The following BRWD3 variants were observed in gnomAD, a reference collection of about 807,000 sequenced individuals.
The protein encoded by BRWD3 is bromodomain and WD repeat domain containing 3.
BRWD3 carries 10 observed loss-of-function variants against 149.7 expected under a neutral mutation model. The observed-to-expected ratio is 0.07, with a 90% CI of 0.04 to 0.11. The LOEUF is 0.11. Among genes scored for constraint, BRWD3 ranks in the 10% least tolerant of loss-of-function variants. The pLI, the probability that BRWD3 is intolerant of heterozygous loss-of-function variation, is 1.00. For missense variants in BRWD3, 940 were observed against 1,373.2 expected (o/e 0.68, Z 4.99); for synonymous variants, 504 against 456.7 (o/e 1.10, Z -1.32).
At chrX:80,731,866 G>C (rs1266029890) in intron 12 of BRWD3, among the ~76,000 whole-genome samples, 4 of 89,367 alleles carry the variant, frequency 4.5e-5, no homozygotes, top group South Asian at 6.5e-4. Context: ...CTGCACTCCA[G>C]CCTGGGTGAC....
chrX:80,713,128 C>G (rs1326292465), intron 20 of BRWD3, among the ~76,000 whole-genome samples: 2 of 109,163 alleles, frequency 1.8e-5, no homozygotes, highest in Non-Finnish European at 3.8e-5. Context: ...CACCTCTGCC[C>G]GGCCGCCCCT....
intron 7 of BRWD3, among the ~76,000 whole-genome samples, chrX:80,744,794 T>C (rs1297023433): frequency 9.0e-6 from 1 of 111,338 alleles, no homozygotes; most frequent in East Asian, 2.8e-4. Flanking sequence ...AATTATCTAT[T>C]TATTAAAACA....
At chrX:80,743,450 G>T (rs2073547371) in intron 8 of BRWD3, among the ~76,000 whole-genome samples, 1 of 111,653 alleles carries the variant, frequency 9.0e-6, no homozygotes, top group South Asian at 3.7e-4. Context: ...TCTATTGATT[G>T]GAATAGTTTC....
chrX:80,739,878 C>A (rs1026720816), intron 8 of BRWD3, among the ~76,000 whole-genome samples: 1 of 111,964 alleles, frequency 8.9e-6, no homozygotes, highest in Admixed American at 9.5e-5. Context: ...ACTGCATTCA[C>A]CTATTTTCAA....
At chrX:80,803,510 T>C (rs1478925590) in intron 4 of BRWD3, among the ~76,000 whole-genome samples, 1 of 111,974 alleles carries the variant, frequency 8.9e-6, no homozygotes, top group African/African-American at 3.2e-5. Context: ...AGGATCAATC[T>C]AGACAAATCG....
At chrX:80,728,941 A>T (rs2073287344) in intron 13 of BRWD3, 36 bp from the exon 14 acceptor site, 1 of 1,159,463 alleles carries the variant, frequency 8.6e-7, no homozygotes, top group Admixed American at 2.2e-5. Context: ...ATATCTTATA[A>T]ATTTTTGACA....
At chrX:80,681,239 A>C in intron 40 of BRWD3, 102 bp downstream of exon 40, 2 of 848,019 alleles carry the variant, frequency 2.4e-6, no homozygotes, top group South Asian at 4.4e-5. Flanking sequence ...AACTATAAGG[A>C]TATACTAGTT....
At chrX:80,733,657 A>C (rs897289643) in intron 11 of BRWD3, among the ~76,000 whole-genome samples, 161 bp from the exon 12 acceptor site, 4 of 109,595 alleles carry the variant, frequency 3.6e-5, no homozygotes, top group African/African-American at 1.3e-4. Context: ...AGGAATACCT[A>C]TTGGCAGTAA....
Position 80,684,517 on chromosome X carries a change from CAT to C in BRWD3, c.4081-357_4081-356del, listed in dbSNP as rs2072496023. On this transcript the variant is annotated intron_variant, in intron 36 of 40. Coordinates refer to ENST00000373275, the MANE Select transcript of BRWD3 (RefSeq NM_153252.5). ...TAATGATAAAAGATGGGATTATTCA[CAT>C]ATGATTAAATTGTTCCACTCTACAA... 2.7e-5 allele frequency among the ~76,000 whole-genome samples: 3 copies of C among 112,083 alleles called. No homozygotes were observed. The Admixed American group carries it at 2.8e-4, about 11-fold the overall frequency.
intron 8 of BRWD3, among the ~76,000 whole-genome samples, chrX:80,738,859 A>T (rs1268826134): frequency 3.6e-5 from 4 of 111,893 alleles, no homozygotes; most frequent in Non-Finnish European, 7.5e-5. Context: ...TGAAAAAGGC[A>T]AACAAACACG....
At position 80,681,364 on chromosome X, in the gene BRWD3, T is replaced by C; in HGVS notation, c.4631A>G (p.Asn1544Ser). Residue 1544 changes from asparagine to serine, a missense_variant, in exon 40 of 41, where the codon AAT becomes AGT. Physicochemically the swap from Asn to Ser is conservative, Grantham distance 46 (BLOSUM62 1). Coordinates refer to ENST00000373275, the MANE Select transcript of BRWD3 (RefSeq NM_153252.5). ...HDPGKAKSFR[N>S]RVLPVKQDHS... ...ACCTTGTTTAACTGGCAAAACTCTATTCCGAAATGATTTGGCTTTCCCTGG... is the reference window on the plus strand; with the variant it reads ...ACCTTGTTTAACTGGCAAAACTCTACTCCGAAATGATTTGGCTTTCCCTGG... 1 of 1,210,862 alleles carries C rather than the reference T, an allele frequency of 8.3e-7. No individual in the cohort carries two copies. The highest frequency in any genetic ancestry group is 1.1e-6 in the Non-Finnish European group (1 of 894,951).
At chrX:80,730,409 G>GA (rs1263862653) in intron 12 of BRWD3, among the ~76,000 whole-genome samples, 1 of 105,053 alleles carries the variant, frequency 9.5e-6, no homozygotes, top group African/African-American at 3.5e-5. Flanking sequence ...AAGAAAGAAA[G>GA]AAAGAAAGAA....
chrX:80,775,719 T>A (rs1462118526), intron 6 of BRWD3, among the ~76,000 whole-genome samples: 1 of 112,234 alleles, frequency 8.9e-6, no homozygotes, highest in African/African-American at 3.2e-5. Flanking sequence ...GTCCCAGTAT[T>A]GTTGCATATG....
chrX:80,777,297 A>G (rs2074009657), intron 6 of BRWD3, among the ~76,000 whole-genome samples: 1 of 111,825 alleles, frequency 8.9e-6, no homozygotes, highest in African/African-American at 3.3e-5. Context: ...GGACTTAACC[A>G]AAGCCAGGTA....
intron 20 of BRWD3, chrX:80,709,806 G>A (rs2072932732): frequency 2.1e-6 from 1 of 468,680 alleles, no homozygotes; most frequent in Non-Finnish European, 3.6e-6. Context: ...AGACAGTGCT[G>A]AAAAGTCTGG....
At chrX:80,772,399 A>G (rs748959587) in intron 6 of BRWD3, among the ~76,000 whole-genome samples, 4 of 111,206 alleles carry the variant, frequency 3.6e-5, no homozygotes, top group Non-Finnish European at 5.7e-5. Flanking sequence ...GTTCTCACTC[A>G]TAGGTGGGAA....
At chrX:80,687,038 T>C (rs1478725794) in intron 34 of BRWD3, 35 bp from the exon 35 acceptor site, 4 of 1,185,513 alleles carry the variant, frequency 3.4e-6, no homozygotes, top group Non-Finnish European at 4.6e-6. Context: ...CTAAAAGATC[T>C]TTCCTTAACT....
At chrX:80,767,682 T>C (rs573617448) in intron 6 of BRWD3, among the ~76,000 whole-genome samples, 12 of 111,260 alleles carry the variant, frequency 1.1e-4, no homozygotes, top group Middle Eastern at 4.6e-3. Flanking sequence ...CTCCAAAGGA[T>C]TGCAGCTCCT....
chrX:80,688,404 G>A (rs1007260764), intron 33 of BRWD3, among the ~76,000 whole-genome samples: 1 of 111,372 alleles, frequency 9.0e-6, no homozygotes, highest in African/African-American at 3.3e-5. Context: ...TGCTAAAATT[G>A]TATCTAAGTG....
Sources: gnomAD v4.1 joint callset for allele counts (sites outside exome capture counted in the v4.1 genomes callset) on GRCh38, gnomAD v4.1.1 for gene constraint, MANE v1.5 for transcripts, NCBI Gene and HGNC (gene_info 2026-07-23, HGNC 2026-07-21) for gene names.